ASCC3: variants seen among roughly 807,000 people sequenced by gnomAD.
ASCC3 encodes ASC-1 complex subunit P200.
In ASCC3, 158 loss-of-function variants were observed where a neutral mutation model predicts 256.3. That is an observed-to-expected ratio of 0.62 (90% CI 0.54 to 0.70). ASCC3 has a LOEUF of 0.70. Among genes scored for constraint, ASCC3 ranks in the 30% least tolerant of loss-of-function variants. ASCC3 has a pLI of 0.00. For missense variants in ASCC3, 2,259 were observed against 2,626.0 expected, an observed-to-expected ratio of 0.86 and a Z score of 3.05; for synonymous variants, 948 against 883.4, an observed-to-expected ratio of 1.07 and a Z score of -1.30.
At chr6:100,558,071 GA>G (rs61091826) in intron 36 of ASCC3, among the ~76,000 whole-genome samples, 2,606 of 129,450 alleles carry the variant, frequency 0.02, 53 homozygotes, top group African/African-American at 0.061. Context: ...TCACTTCTTT[GA>G]AAAAAAAAAA....
intron 36 of ASCC3, among the ~76,000 whole-genome samples, chr6:100,581,021 G>A (rs534101693): frequency 2.6e-4 from 40 of 152,144 alleles, no homozygotes; most frequent in African/African-American, 7.0e-4. Context: ...TTGCTATTGC[G>A]AATAGTGCCG....
At chr6:100,659,394 A>T (rs138886431) in intron 16 of ASCC3, among the ~76,000 whole-genome samples, 3 of 151,624 alleles carry the variant, frequency 2.0e-5, no homozygotes, top group East Asian at 3.9e-4. Flanking sequence ...TTAATAGGGA[A>T]CTATTCCAAT....
intron 4 of ASCC3, among the ~76,000 whole-genome samples, chr6:100,817,483 C>A (rs1425931675): frequency 6.6e-6 from 1 of 151,624 alleles, no homozygotes; most frequent in Admixed American, 6.6e-5. Context: ...TAAAGGAAAC[C>A]AAAGGTGTTC....
At chr6:100,636,683 T>C (rs921528289) in intron 25 of ASCC3, among the ~76,000 whole-genome samples, 2 of 152,188 alleles carry the variant, frequency 1.3e-5, no homozygotes, top group African/African-American at 4.8e-5. Flanking sequence ...GACAAGTTCT[T>C]GAAGGAAATG....
At chr6:100,738,375 A>G (rs1780279568) in intron 10 of ASCC3, among the ~76,000 whole-genome samples, 2 of 152,098 alleles carry the variant, frequency 1.3e-5, no homozygotes, top group African/African-American at 4.8e-5. Flanking sequence ...TCTTTAATCC[A>G]TCTTGAGTTA....
At chr6:100,842,961 T>TGAGA (rs1772217239) in intron 4 of ASCC3, among the ~76,000 whole-genome samples, 3 of 152,112 alleles carry the variant, frequency 2.0e-5, no homozygotes, top group Non-Finnish European at 4.4e-5. Context: ...GGTGACAGAA[T>TGAGA]GAGACTCTGT....
chr6:100,740,176 A>T (rs13196803), intron 10 of ASCC3, among the ~76,000 whole-genome samples: 71,269 of 151,918 alleles, frequency 0.47, 16,866 homozygotes, highest in South Asian at 0.6. Context: ...TTTCTGCCTT[A>T]ATTTCATTAT....
chr6:100,872,986 C>A (rs542538886), intron 1 of ASCC3, among the ~76,000 whole-genome samples: 25 of 151,420 alleles, frequency 1.7e-4, no homozygotes, highest in African/African-American at 5.3e-4. Flanking sequence ...TTCTTTAACA[C>A]CCCCCCCAAA....
chr6:100,574,372 G>C (rs1166479578), intron 36 of ASCC3, among the ~76,000 whole-genome samples: 3 of 152,034 alleles, frequency 2.0e-5, no homozygotes, highest in Admixed American at 2.0e-4. Context: ...TGGGAAAAGA[G>C]ACAGGACATT....
At chr6:100,863,353 T>A (rs1259321700) in intron 3 of ASCC3, among the ~76,000 whole-genome samples, 3 of 152,178 alleles carry the variant, frequency 2.0e-5, no homozygotes, top group Non-Finnish European at 4.4e-5. Flanking sequence ...AGTGAAGCAG[T>A]CAAAGTCTAG....
chr6:100,550,640 T>A (rs959559265), intron 36 of ASCC3, among the ~76,000 whole-genome samples: 1 of 151,944 alleles, frequency 6.6e-6, no homozygotes, highest in African/African-American at 2.4e-5. Flanking sequence ...CTTGTGGGGT[T>A]ATTTGCAGGT....
chr6:100,658,436 A>T (rs1776026330), intron 16 of ASCC3, among the ~76,000 whole-genome samples: 1 of 151,462 alleles, frequency 6.6e-6, no homozygotes, highest in South Asian at 2.1e-4. Flanking sequence ...AATCATCATG[A>T]GTATGCATGC....
At chr6:100,721,245 G>A (rs546334112) in intron 11 of ASCC3, among the ~76,000 whole-genome samples, 2 of 151,648 alleles carry the variant, frequency 1.3e-5, no homozygotes, top group African/African-American at 4.8e-5. Flanking sequence ...ATATTTACTT[G>A]GCCTCTAATG....
chr6:100,631,247 T>G lies in ASCC3; in HGVS notation c.4123-34A>C, dbSNP rs75398032. 15,263 of 1,478,838 alleles carry G rather than the reference T, an allele frequency of 0.01. 489 individuals carry two copies. In the East Asian group the frequency reaches 0.12, roughly 12 times the overall value. 91.6% of individuals were successfully genotyped at this position (1,478,838 alleles called of 1,614,324 possible). A position where few individuals can be genotyped will look rare whatever the true frequency, so the allele number is the denominator to read the frequency against. ...GGGAGAATAGCCAAAAATACTCTTA[T>G]GAAAATAGTGATAGCATTTTGAAAT... On this transcript the variant is annotated intron_variant, in intron 25 of 41. Transcript: ENST00000369162.
At chr6:100,632,360 T>C (rs1774598623) in intron 25 of ASCC3, among the ~76,000 whole-genome samples, 1 of 151,904 alleles carries the variant, frequency 6.6e-6, no homozygotes, top group Admixed American at 6.6e-5. Context: ...GATCATGGAC[T>C]GGAATAATTA....
chr6:100,873,061 G>T (rs2114567629), intron 1 of ASCC3, among the ~76,000 whole-genome samples: 1 of 151,968 alleles, frequency 6.6e-6, no homozygotes, highest in East Asian at 1.9e-4. Context: ...ACCTGAAAAA[G>T]AATTCAGAAG....
chr6:100,645,157 G>T (rs1317748784), intron 22 of ASCC3, among the ~76,000 whole-genome samples: 2 of 152,070 alleles, frequency 1.3e-5, no homozygotes, highest in Non-Finnish European at 2.9e-5. Flanking sequence ...TCAAACTGCA[G>T]ATTTATTACA....
chr6:100,870,500 G>A (rs1261130634), intron 1 of ASCC3, among the ~76,000 whole-genome samples: 2 of 152,146 alleles, frequency 1.3e-5, no homozygotes, highest in East Asian at 3.9e-4. Context: ...ATCCCTGATA[G>A]AGGTCACATT....
chr6:100,514,820 T>G (rs1246018880), intron 39 of ASCC3, among the ~76,000 whole-genome samples: 2 of 152,208 alleles, frequency 1.3e-5, no homozygotes, highest in Non-Finnish European at 2.9e-5. Flanking sequence ...GGGTAGAAGA[T>G]GCAAATCTCA....
Sources: gnomAD v4.1 joint callset for allele counts (sites outside exome capture counted in the v4.1 genomes callset) on GRCh38, gnomAD v4.1.1 for gene constraint, MANE v1.5 for transcripts, NCBI Gene and HGNC (gene_info 2026-07-23, HGNC 2026-07-21) for gene names.